DNAL1: variants seen among roughly 807,000 people sequenced by gnomAD.
DNAL1 encodes the protein dynein axonemal light chain 1, also known as chromosome 14 open reading frame 168.
Under a neutral mutation model 29.4 loss-of-function variants are expected in DNAL1, and 17 were observed. That is an observed-to-expected ratio of 0.58 (90% CI 0.40 to 0.87). The LOEUF (loss-of-function observed/expected upper bound fraction) is 0.87, where lower values mean the gene tolerates loss of function less well. Ranked by LOEUF, DNAL1 falls within the 40% of genes least tolerant of loss-of-function variation. The pLI, the probability that DNAL1 is intolerant of heterozygous loss-of-function variation, is 0.00. For synonymous variants in DNAL1, 78 were observed against 76.3 expected (o/e 1.02, Z -0.12); for missense variants, 188 against 214.1 (o/e 0.88, Z 0.76).
At chr14:73,689,307 C>G in intron 6 of DNAL1, 68 bp from the exon 7 acceptor site, 2 of 1,529,582 alleles carry the variant, frequency 1.3e-6, no homozygotes, top group Non-Finnish European at 1.8e-6. Flanking sequence ...TCTGGGATTA[C>G]AGGCGTGGAC....
At chr14:73,653,936 A>T (rs1396963996) in intron 1 of DNAL1, among the ~76,000 whole-genome samples, 1 of 152,226 alleles carries the variant, frequency 6.6e-6, no homozygotes, top group Admixed American at 6.5e-5. Context: ...GTTTGAATTG[A>T]ACTATGACAA....
intron 5 of DNAL1, among the ~76,000 whole-genome samples, chr14:73,677,884 T>TGGTGTGTG (rs1555402397): frequency 1.0e-5 from 1 of 96,130 alleles, no homozygotes; most frequent in Non-Finnish European, 2.2e-5. Flanking sequence ...ATATATATAT[T>TGGTGTGTG]TGTGTGTGTG....
rs1325654382 is a variant in DNAL1, at chr14:73,696,623, G to A, written c.*681G>A. 1 of 152,146 alleles carries A rather than the reference G, an allele frequency of 6.6e-6. No homozygotes were observed. The highest frequency in any genetic ancestry group is 1.5e-5 in the Non-Finnish European group (1 of 68,038). 9.4% of individuals were successfully genotyped at this position (152,146 alleles called of 1,614,324 possible). A position where few individuals can be genotyped will look rare whatever the true frequency, so the allele number is the denominator to read the frequency against. Reference sequence around the variant, plus strand: ...TTGAGTCATTGTGTACAGTCATTCTGTGATCTCAGTTAGTGGTTAAAATGA... The same window carrying A: ...TTGAGTCATTGTGTACAGTCATTCTATGATCTCAGTTAGTGGTTAAAATGA... On this transcript the variant is annotated 3_prime_UTR_variant, in exon 8 of 8. Transcript: ENST00000553645.
chr14:73,651,860 T>C (rs1253705517), intron 1 of DNAL1, among the ~76,000 whole-genome samples: 1 of 152,156 alleles, frequency 6.6e-6, no homozygotes, highest in East Asian at 1.9e-4. Flanking sequence ...TTTCACCATG[T>C]TGGCCAGCCT....
chr14:73,687,918 C>T (rs1217156661), intron 6 of DNAL1, among the ~76,000 whole-genome samples: 2 of 152,016 alleles, frequency 1.3e-5, no homozygotes, highest in Admixed American at 6.6e-5. Context: ...AGCATACCAA[C>T]ATGGCACATG....
chr14:73,658,185 G>A (rs1421874520), intron 2 of DNAL1, among the ~76,000 whole-genome samples: 5 of 152,112 alleles, frequency 3.3e-5, no homozygotes, highest in Non-Finnish European at 7.4e-5. Flanking sequence ...TATTTTCTTG[G>A]TGCCTTTGTC....
intron 2 of DNAL1, among the ~76,000 whole-genome samples, chr14:73,656,182 T>C: frequency 6.6e-6 from 1 of 152,278 alleles, no homozygotes; most frequent in Middle Eastern, 3.4e-3. Flanking sequence ...AATAATGAAA[T>C]ACTTGAATTC....
Position 73,687,363 on chromosome 14 carries a change from T to C in DNAL1, c.369T>C (p.Ser123=). The change falls in exon 6 of 8, where the codon TCT becomes TCC. Residue 123 remains serine, a synonymous_variant. Coordinates refer to ENST00000553645, the MANE Select transcript of DNAL1 (RefSeq NM_031427.4). ...IMKKLKILYM[S]NNLVKDWAEF... is the part of the protein sequence containing the mutation. ...AGAAATTGAAGATTCTCTACATGTC[T>C]AATAACCTGGTAAAAGACTGGGGTA... 6.2e-7 allele frequency: 1 copy of C among 1,605,744 alleles called. No individual in the cohort carries two copies. The highest frequency in any genetic ancestry group is 8.5e-7 in the Non-Finnish European group (1 of 1,176,328).
chr14:73,662,386 TG>T (rs1389397390), intron 4 of DNAL1, among the ~76,000 whole-genome samples: 1 of 152,218 alleles, frequency 6.6e-6, no homozygotes, highest in African/African-American at 2.4e-5. Context: ...CTGTTTTTCC[TG>T]TGCTCCTTAT....
chr14:73,695,134 T>C (rs1892273167), intron 7 of DNAL1, among the ~76,000 whole-genome samples: 1 of 131,444 alleles, frequency 7.6e-6, no homozygotes, highest in Admixed American at 8.8e-5. Context: ...CAGCTCACCA[T>C]AGCCTGGACA....
rs899290394 is a variant in DNAL1 at position 73,697,741 on chromosome 14, T to C, written c.*1799T>C. ...CTGGGCAATAGAGCGAGACTCCATA[T>C]TTAAAAAAAAAAAAAAAAAAAAAAG... On this transcript the variant is annotated 3_prime_UTR_variant, in exon 8 of 8. Transcript: ENST00000553645. 1.5e-5 allele frequency: 2 copies of C among 130,930 alleles called. No individual in the cohort carries two copies. Among genetic ancestry groups the C allele is most frequent in the Non-Finnish European group, 3.2e-5 (2 of 62,204 alleles). 8.1% of individuals were successfully genotyped at this position (130,930 alleles called of 1,614,324 possible).
chr14:73,647,821 C>T (rs1320374942), intron 1 of DNAL1, among the ~76,000 whole-genome samples: 1 of 152,050 alleles, frequency 6.6e-6, no homozygotes, highest in Non-Finnish European at 1.5e-5. Context: ...TTTTATGGAC[C>T]CATGCAAAAG....
chr14:73,671,565 G>A lies in DNAL1; in HGVS notation c.232G>A (p.Gly78Arg). Reference protein sequence around the residue: ...GLKNLRILSLGRNNIKNLNGL... With the variant: ...GLKNLRILSLRRNNIKNLNGL... ...AGAAAACTTGAGGATATTATCTTTA[G>A]GAAGAAACAACATAAAGAACTTAAA... Residue 78 changes from glycine to arginine, a missense_variant, in exon 5 of 8, where the codon GGA (glycine) becomes AGA (arginine). Gly to Arg is a moderately radical substitution (Grantham distance 125). Transcript: ENST00000553645. 1 of 1,490,544 alleles carries A rather than the reference G, an allele frequency of 6.7e-7. No individual in the cohort carries two copies. Among genetic ancestry groups the A allele is most frequent in the Non-Finnish European group, 9.0e-7 (1 of 1,114,960 alleles). 92.3% of individuals were successfully genotyped at this position (1,490,544 alleles called of 1,614,324 possible). A position where few individuals can be genotyped will look rare whatever the true frequency, so the allele number is the denominator to read the frequency against.
Position 73,668,924 on chromosome 14 carries a change from G to A in DNAL1, c.209-2618G>A, listed in dbSNP as rs576936217. The stretch of plus-strand genomic sequence containing the variant: ...ACTCCTGGCCTCAAGTGATCCACCC[G>A]CCTCGGCCTCCCAAAGTGATGGGAT... On this transcript the variant is annotated intron_variant, in intron 4 of 7. Coordinates refer to ENST00000553645, the MANE Select transcript of DNAL1 (RefSeq NM_031427.4). 5.9e-5 allele frequency among the ~76,000 whole-genome samples: 9 copies of A among 152,026 alleles called. No homozygotes were observed. The East Asian group carries it at 9.7e-4, about 16-fold the overall frequency.
At chr14:73,659,103 C>A in intron 3 of DNAL1, 147 bp downstream of exon 3, 1 of 535,238 alleles carries the variant, frequency 1.9e-6, no homozygotes, top group Admixed American at 3.0e-5. Context: ...CAAGGTCAAA[C>A]ATGAAAAATG....
intron 5 of DNAL1, among the ~76,000 whole-genome samples, chr14:73,675,641 T>C (rs1393149989): frequency 1.3e-5 from 2 of 152,090 alleles, no homozygotes; most frequent in East Asian, 3.9e-4. Context: ...GCATCTACAA[T>C]AGTGCTTGAT....
intron 5 of DNAL1, among the ~76,000 whole-genome samples, chr14:73,685,032 C>T (rs1300255841): frequency 6.6e-6 from 1 of 152,136 alleles, no homozygotes; most frequent in East Asian, 1.9e-4. Flanking sequence ...GTTTGTTGAC[C>T]TTAAAAAATC....
intron 3 of DNAL1, among the ~76,000 whole-genome samples, chr14:73,660,032 T>C (rs1196020725): frequency 6.6e-6 from 1 of 152,190 alleles, no homozygotes; most frequent in Non-Finnish European, 1.5e-5. Context: ...GTTCAAGCAA[T>C]TCTCCTGCCT....
chr14:73,677,884 TTGTG>T (rs566825653), intron 5 of DNAL1, among the ~76,000 whole-genome samples: 35 of 96,128 alleles, frequency 3.6e-4, no homozygotes, highest in African/African-American at 6.4e-4. Flanking sequence ...ATATATATAT[TTGTG>T]TGTGTGTGTG....
Sources: allele counts gnomAD v4.1 joint callset (sites outside exome capture counted in the v4.1 genomes callset), GRCh38; gene constraint gnomAD v4.1.1; transcripts MANE v1.5; gene names NCBI Gene and HGNC (gene_info 2026-07-23, HGNC 2026-07-21).